CYB561A3: variants seen among roughly 807,000 people sequenced by gnomAD.
CYB561A3 encodes lysosomal membrane ascorbate-dependent ferrireductase CYB561A3.
In CYB561A3, 16 loss-of-function variants were observed where a neutral mutation model predicts 25.3. That is an observed-to-expected ratio of 0.63 (90% CI 0.43 to 0.96). The LOEUF (loss-of-function observed/expected upper bound fraction) is 0.96. Among genes scored for constraint, CYB561A3 ranks in the 40% least tolerant of loss-of-function variants. CYB561A3 has a pLI of 0.00. For missense variants in CYB561A3, 219 were observed against 307.5 expected, an observed-to-expected ratio of 0.71 and a Z score of 2.15; for synonymous variants, 131 against 129.9, an observed-to-expected ratio of 1.01 and a Z score of -0.06.
In CYB561A3 at chr11:61,351,023, G is replaced by T. The variant is rs376119973; in HGVS notation, c.673C>A (p.Arg225Ser). 9 of 1,613,856 alleles carry T rather than the reference G, an allele frequency of 5.6e-6. No homozygotes were observed. Among genetic ancestry groups the T allele is most frequent in the Non-Finnish European group, 7.6e-6 (9 of 1,179,936 alleles). ...LYILLASSWK[R>S]PEPGILTDRQ... ...TCGGTCAGGATCCCCGGCTCTGGGCGCTTCCAAGATGAAGCCAGAAGGATG... is the reference window on the plus strand; with the variant it reads ...TCGGTCAGGATCCCCGGCTCTGGGCTCTTCCAAGATGAAGCCAGAAGGATG... The change falls in exon 6 of 7, where the codon CGC (arginine) becomes AGC (serine). Residue 225 changes from arginine to serine, a missense_variant. Transcript: ENST00000294072.
chr11:61,356,746 C>T lies in CYB561A3; in HGVS notation c.-15-18G>A. 2 of 1,610,012 alleles carry T rather than the reference C, an allele frequency of 1.2e-6. No individual in the cohort carries two copies. The highest frequency in any genetic ancestry group is 1.7e-6 in the Non-Finnish European group (2 of 1,177,334). Reference sequence around the variant, plus strand: ...ACGCACTCCTAGAAGAAGGAGAAGTCACAAATCTCCACTGGCTCAGATGCA... The same window carrying T: ...ACGCACTCCTAGAAGAAGGAGAAGTTACAAATCTCCACTGGCTCAGATGCA... On this transcript the variant is annotated intron_variant, in intron 2 of 6. Coordinates refer to ENST00000294072, the MANE Select transcript of CYB561A3 (RefSeq NM_153611.6).
chr11:61,357,219 T>G (rs771941027), intron 2 of CYB561A3: 1 of 1,550,870 alleles, frequency 6.4e-7, no homozygotes, highest in South Asian at 1.2e-5. Flanking sequence ...CAGGAAGGAG[T>G]CAGAAAAGTT....
In CYB561A3 at chr11:61,350,360, T is replaced by G. The variant is rs767292537; in HGVS notation, c.*39A>C. 1 of 1,602,282 alleles carries G rather than the reference T, an allele frequency of 6.2e-7. No individual in the cohort carries two copies. Among genetic ancestry groups the G allele is most frequent in the African/African-American group, 1.3e-5 (1 of 74,868 alleles). On this transcript the variant is annotated 3_prime_UTR_variant, in exon 7 of 7. Coordinates refer to ENST00000294072, the MANE Select transcript of CYB561A3 (RefSeq NM_153611.6). ...CAGAGCTTCTGAGGGGAGCACAGGCTGCACCACCAGGAGCTCTTGGGAGCC... is the reference window on the plus strand; with the variant it reads ...CAGAGCTTCTGAGGGGAGCACAGGCGGCACCACCAGGAGCTCTTGGGAGCC...
intron 4 of CYB561A3, 181 bp from the exon 5 acceptor site, chr11:61,353,320 A>G (rs181049351): frequency 2.6e-6 from 2 of 763,352 alleles, no homozygotes; most frequent in East Asian, 2.7e-5. Context: ...CCAAGCAACA[A>G]GAACAGTAAA....
chr11:61,350,509 G>C, intron 6 of CYB561A3, 87 bp from the exon 7 acceptor site: 2 of 1,538,346 alleles, frequency 1.3e-6, no homozygotes, highest in Admixed American at 3.8e-5. Flanking sequence ...CCCCCAGCCT[G>C]CAGGGTGGTC....
rs1255790948 is a variant in CYB561A3 at position 61,356,660 on chromosome 11, A to G, written c.54T>C (p.Ser18=). The part of the protein sequence containing the change: ...LSCLLLGSLG[S]MCILFTIYWM... ...AGTAGATAGTGAAGAGGATGCACAT[A>G]GAGCCCAGGGACCCCAGCAGCAGGC... The change falls in exon 3 of 7, where the codon TCT becomes TCC. Residue 18 remains serine (S), a synonymous_variant. Coordinates refer to ENST00000294072, the MANE Select transcript of CYB561A3 (RefSeq NM_153611.6). 36 of 1,614,228 alleles carry G rather than the reference A, an allele frequency of 2.2e-5. No homozygotes were observed. The highest frequency in any genetic ancestry group is 3.1e-5 in the Non-Finnish European group (36 of 1,180,048).
In CYB561A3 at chr11:61,356,705, A is replaced by G; in HGVS notation, c.9T>C (p.Ser3=). The G allele has an allele frequency of 6.2e-7, 1 of 1,614,148 alleles. No homozygotes were observed. Among genetic ancestry groups the G allele is most frequent in the Non-Finnish European group, 8.5e-7 (1 of 1,179,988 alleles). Residue 3 remains serine, a synonymous_variant, in exon 3 of 7, where the codon TCT becomes TCC. Coordinates refer to ENST00000294072, the MANE Select transcript of CYB561A3 (RefSeq NM_153611.6). The stretch of plus-strand genomic sequence containing the variant: ...GCAGGCAGGACAAGTAGAACCGTCC[A>G]GACACCATTCTGATCACGCACTCCT... MV[S]GRFYLSCLLL...
chr11:61,349,932 T>C lies in CYB561A3; in HGVS notation c.*467A>G. ...TCATGTTTCACACCGTGGACTGCAC[T>C]TGAGTCCCAGCTCTTCACCACATCC... On this transcript the variant is annotated 3_prime_UTR_variant, in exon 7 of 7. Coordinates refer to ENST00000294072, the MANE Select transcript of CYB561A3 (RefSeq NM_153611.6). The C allele has an allele frequency of 4.1e-6, 2 of 492,548 alleles. No individual in the cohort carries two copies. Among genetic ancestry groups the C allele is most frequent in the Non-Finnish European group, 7.4e-6 (2 of 268,922 alleles). 30.5% of individuals were successfully genotyped at this position (492,548 alleles called of 1,614,324 possible).
In CYB561A3 at chr11:61,349,079, T is replaced by G. The variant is rs1857275186; in HGVS notation, c.*1320A>C. 1 of 166,588 alleles carries G rather than the reference T, an allele frequency of 6.0e-6. No individual in the cohort carries two copies. 10.3% of individuals were successfully genotyped at this position (166,588 alleles called of 1,614,324 possible). ...CCAAACCCCAGGCTTCTCACTTGCTTACTAAGCACAGCAGTCTGAAGCTTG... is the reference window on the plus strand; with the variant it reads ...CCAAACCCCAGGCTTCTCACTTGCTGACTAAGCACAGCAGTCTGAAGCTTG... On this transcript the variant is annotated 3_prime_UTR_variant, in exon 7 of 7. Coordinates refer to ENST00000294072, the MANE Select transcript of CYB561A3 (RefSeq NM_153611.6).
rs764022418 is a variant in CYB561A3, at chr11:61,353,869, G to A, written c.308C>T (p.Thr103Met). 8.7e-6 allele frequency: 14 copies of A among 1,614,172 alleles called. No individual in the cohort carries two copies. The highest frequency in any genetic ancestry group is 1.6e-4 in the Middle Eastern group (1 of 6,062). The change falls in exon 4 of 7, where the codon ACG becomes ATG. Residue 103 changes from threonine to methionine, a missense_variant. Transcript: ENST00000294072. ...GGCAGTCCTTCCATGGTTGTGAAAC[G>A]TAAAGACAGCAACCAGCCCCACAAC... Reference protein sequence around the residue: ...LTVVGLVAVFTFHNHGRTANL... With the variant: ...LTVVGLVAVFMFHNHGRTANL...
chr11:61,350,863 C>T (rs1022919550), intron 6 of CYB561A3, 128 bp downstream of exon 6: 3 of 1,378,512 alleles, frequency 2.2e-6, no homozygotes, highest in African/African-American at 2.9e-5. Context: ...CTAACTCCAC[C>T]CTCAAGTTAC....
intron 5 of CYB561A3, chr11:61,352,767 A>T: frequency 7.2e-7 from 1 of 1,397,844 alleles, no homozygotes; most frequent in Non-Finnish European, 9.3e-7. Flanking sequence ...TGTTTCTGAC[A>T]CACAGCAGGT....
chr11:61,357,376 G>A, intron 2 of CYB561A3: 1 of 672,838 alleles, frequency 1.5e-6, no homozygotes, highest in Non-Finnish European at 2.4e-6. Context: ...CTTCCTCTGG[G>A]GAAAGTCCAG....
intron 2 of CYB561A3, chr11:61,357,216 G>T: frequency 6.4e-7 from 1 of 1,551,490 alleles, no homozygotes; most frequent in Non-Finnish European, 8.7e-7. Flanking sequence ...AGACAGGAAG[G>T]AGTCAGAAAA....
intron 4 of CYB561A3, 70 bp from the exon 5 acceptor site, chr11:61,353,209 C>T: frequency 6.6e-7 from 1 of 1,505,792 alleles, no homozygotes; most frequent in Admixed American, 2.3e-5. Context: ...CCCATCAGTG[C>T]CTCCTCCCCA....
chr11:61,353,514 G>A (rs1211995373), intron 4 of CYB561A3: 1 of 675,780 alleles, frequency 1.5e-6, no homozygotes, highest in Admixed American at 2.0e-5. Context: ...CCAGATGGCT[G>A]ATTAGAGTCA....
upstream of CYB561A3, chr11:61,362,221 G>C (rs1019735591): frequency 6.6e-6 from 1 of 152,314 alleles, no homozygotes; most frequent in Non-Finnish European, 1.5e-5. Context: ...CGCTGGGAGG[G>C]CCCGGAGCAG....
chr11:61,361,640 A>G (rs1857890735), intron 1 of CYB561A3, 93 bp downstream of exon 1: 1 of 152,116 alleles, frequency 6.6e-6, no homozygotes, highest in South Asian at 2.1e-4. Flanking sequence ...ATTGAGGCCG[A>G]GCAAGGGGAT....
intron 3 of CYB561A3, chr11:61,354,210 T>G: frequency 1.7e-6 from 1 of 592,620 alleles, no homozygotes; most frequent in East Asian, 2.9e-5. Context: ...GGAGGAGTGG[T>G]CAGGCAAGGT....
Sources: allele counts gnomAD v4.1 joint callset, GRCh38; gene constraint gnomAD v4.1.1; transcripts MANE v1.5; gene names NCBI Gene and HGNC (gene_info 2026-07-23, HGNC 2026-07-21).